Variants in SLC41A2 observed in about 807,000 individuals in gnomAD.
SLC41A2 encodes SLC41A1-like 1.
In SLC41A2, 32 loss-of-function variants were observed where a neutral mutation model predicts 58.3. The ratio of observed to expected loss-of-function variants is 0.55; its 90% CI spans 0.41 to 0.74. SLC41A2 has a LOEUF of 0.74. SLC41A2 is among the 30% of genes least tolerant of loss of function. SLC41A2 has a pLI of 0.00. For missense variants in SLC41A2, 514 were observed against 680.6 expected (o/e 0.76, Z 2.72); for synonymous variants, 190 against 235.0 (o/e 0.81, Z 1.75).
intron 3 of SLC41A2, among the ~76,000 whole-genome samples, chr12:104,905,597 G>A (rs1016794572): frequency 6.6e-6 from 1 of 152,254 alleles, no homozygotes; most frequent in Non-Finnish European, 1.5e-5. Context: ...GGCCGCACAG[G>A]AGCCCATGGA....
chr12:104,925,110 G>T (rs1294754874), intron 2 of SLC41A2, among the ~76,000 whole-genome samples: 2 of 152,178 alleles, frequency 1.3e-5, no homozygotes, highest in Non-Finnish European at 2.9e-5. Flanking sequence ...TAAAGAAGCA[G>T]TACTGGCAAA....
chr12:104,894,379 ATG>A (rs1291557873), intron 4 of SLC41A2, among the ~76,000 whole-genome samples: 2 of 151,946 alleles, frequency 1.3e-5, no homozygotes, highest in South Asian at 4.2e-4. Flanking sequence ...TAAAGGAAAA[ATG>A]TATTTCAAAG....
intron 2 of SLC41A2, among the ~76,000 whole-genome samples, chr12:104,924,389 A>T (rs1179505141): frequency 6.6e-6 from 1 of 152,250 alleles, no homozygotes; most frequent in Non-Finnish European, 1.5e-5. Context: ...TCCATATCCT[A>T]AGACCTGGAA....
At chr12:104,809,516 A>G (rs1475383869) in intron 10 of SLC41A2, among the ~76,000 whole-genome samples, 4 of 152,196 alleles carry the variant, frequency 2.6e-5, no homozygotes, top group Non-Finnish European at 4.4e-5. Flanking sequence ...CATGTGGTCA[A>G]TTCTTCATTA....
intron 4 of SLC41A2, among the ~76,000 whole-genome samples, chr12:104,892,292 T>A (rs2045021235): frequency 1.7e-5 from 2 of 116,200 alleles, no homozygotes; most frequent in Non-Finnish European, 3.3e-5. Context: ...CAAGACCTCA[T>A]CTCAAAAAAA....
intron 3 of SLC41A2, among the ~76,000 whole-genome samples, chr12:104,904,908 G>A (rs1402442232): frequency 3.3e-5 from 5 of 152,086 alleles, no homozygotes; most frequent in Non-Finnish European, 7.4e-5. Context: ...AAAGACCAAA[G>A]CTTCCACACT....
At chr12:104,893,767 T>C (rs1388149060) in intron 4 of SLC41A2, among the ~76,000 whole-genome samples, 1 of 152,110 alleles carries the variant, frequency 6.6e-6, no homozygotes, top group Non-Finnish European at 1.5e-5. Flanking sequence ...AAAACAAACA[T>C]TGGATGTTCT....
At chr12:104,808,981 G>C (rs1452935943) in intron 10 of SLC41A2, among the ~76,000 whole-genome samples, 1 of 152,116 alleles carries the variant, frequency 6.6e-6, no homozygotes, top group Non-Finnish European at 1.5e-5. Context: ...TGGACAAGTT[G>C]GCAAGTATAG....
chr12:104,856,593 T>C (rs1344973057), intron 8 of SLC41A2, among the ~76,000 whole-genome samples: 2 of 152,006 alleles, frequency 1.3e-5, no homozygotes, highest in Non-Finnish European at 2.9e-5. Flanking sequence ...AGGGAAAAGA[T>C]GTAAGAGAGG....
intron 8 of SLC41A2, among the ~76,000 whole-genome samples, chr12:104,851,342 G>T (rs1441810687): frequency 6.6e-6 from 1 of 151,976 alleles, no homozygotes; most frequent in Non-Finnish European, 1.5e-5. Context: ...ATATATGAAA[G>T]AGAATAAATC....
intron 6 of SLC41A2, among the ~76,000 whole-genome samples, chr12:104,870,366 A>T (rs955316683): frequency 6.6e-6 from 1 of 152,206 alleles, no homozygotes; most frequent in African/African-American, 2.4e-5. Flanking sequence ...TATATAACTC[A>T]TTTTGAATTT....
chr12:104,868,418 T>C (rs1456667220), intron 6 of SLC41A2, among the ~76,000 whole-genome samples: 1 of 152,194 alleles, frequency 6.6e-6, no homozygotes, highest in African/African-American at 2.4e-5. Context: ...ATTAAATCTC[T>C]GGAAGGACAT....
At chr12:104,893,178 T>A (rs939203944) in intron 4 of SLC41A2, among the ~76,000 whole-genome samples, 10 of 152,080 alleles carry the variant, frequency 6.6e-5, no homozygotes, top group Non-Finnish European at 1.5e-4. Flanking sequence ...ATAATCTGAT[T>A]TTAAAACAGG....
intron 4 of SLC41A2, among the ~76,000 whole-genome samples, chr12:104,893,546 A>G (rs1386832873): frequency 1.3e-5 from 2 of 152,262 alleles, no homozygotes; most frequent in Non-Finnish European, 2.9e-5. Flanking sequence ...TTGAAGAGAT[A>G]TCTGCACTTC....
chr12:104,948,771 C>T (rs1229997998), intron 1 of SLC41A2, among the ~76,000 whole-genome samples: 1 of 152,218 alleles, frequency 6.6e-6, no homozygotes. Context: ...CTCTCAGCTC[C>T]TTTCATGCCA....
intron 6 of SLC41A2, among the ~76,000 whole-genome samples, chr12:104,885,507 A>G (rs753916244): frequency 3.3e-5 from 5 of 152,220 alleles, no homozygotes; most frequent in Non-Finnish European, 7.4e-5. Flanking sequence ...GGATTTGTGA[A>G]TAAATGTTTG....
chr12:104,955,754 TG>T (rs2048141016), intron 1 of SLC41A2, among the ~76,000 whole-genome samples: 1 of 91,448 alleles, frequency 1.1e-5, no homozygotes, highest in Non-Finnish European at 2.6e-5. Context: ...GTCTTTTTAG[TG>T]GTTTTTTTTT....
At position 104,887,878 on chromosome 12, in the gene SLC41A2, A is replaced by AC. The variant is rs1565875154; in HGVS notation, c.880+1154_880+1155insG. On this transcript the variant is annotated intron_variant, in intron 5 of 10. Transcript: ENST00000258538. ...CTACTTTACATATACTAAAGTGCTT[A>AC]TAAAGGTCAAGTTATCATAAAATTA... 6.6e-5 allele frequency among the ~76,000 whole-genome samples: 10 copies of AC among 152,034 alleles called. No homozygotes were observed. The East Asian group carries it at 1.2e-3, about 18-fold the overall frequency.
intron 6 of SLC41A2, among the ~76,000 whole-genome samples, chr12:104,869,869 T>C (rs923345790): frequency 3.3e-5 from 5 of 152,126 alleles, no homozygotes; most frequent in African/African-American, 1.2e-4. Flanking sequence ...ACAGAGCAAA[T>C]AGTCAATTAA....
Sources: gnomAD v4.1 joint callset for allele counts (sites outside exome capture counted in the v4.1 genomes callset) on GRCh38, gnomAD v4.1.1 for gene constraint, MANE v1.5 for transcripts, NCBI Gene and HGNC (gene_info 2026-07-23, HGNC 2026-07-21) for gene names.